Variants in RAI2 observed in about 807,000 individuals in gnomAD.
RAI2 encodes the protein retinoic acid induced 2, also known as retinoic acid-induced protein 2.
RAI2 carries 5 observed loss-of-function variants against 15.3 expected under a neutral mutation model. The observed-to-expected ratio is 0.33, with a 90% confidence interval of 0.17 to 0.69. The LOEUF is 0.69. RAI2 is among the 30% of genes least tolerant of loss of function. The probability of loss-of-function intolerance (pLI) is 0.69; values close to 1 mark genes in which losing one functional copy is unlikely to be tolerated. For synonymous variants in RAI2, 191 were observed against 184.0 expected, an observed-to-expected ratio of 1.04 and a Z score of -0.31; for missense variants, 424 against 424.7, an observed-to-expected ratio of 1.00 and a Z score of 0.01.
intron 1 of RAI2, among the ~76,000 whole-genome samples, chrX:17,848,994 G>A (rs1003456278): frequency 1.8e-5 from 2 of 112,292 alleles, no homozygotes; most frequent in East Asian, 2.8e-4. Flanking sequence ...TCTAACAGTC[G>A]CCCAAATAAA....
intron 1 of RAI2, among the ~76,000 whole-genome samples, chrX:17,807,809 A>G (rs149846289): frequency 0.029 from 3,278 of 112,388 alleles, 57 homozygotes; most frequent in Middle Eastern, 0.05. Flanking sequence ...TGCTTTTTAA[A>G]TTAAGCCATC....
chrX:17,838,546 A>G (rs771867128), intron 1 of RAI2, among the ~76,000 whole-genome samples: 1 of 110,731 alleles, frequency 9.0e-6, no homozygotes, highest in African/African-American at 3.3e-5. Context: ...TGCCACAGGA[A>G]ACAGAGAAGA....
intron 1 of RAI2, among the ~76,000 whole-genome samples, chrX:17,824,734 A>G (rs1308790249): frequency 1.8e-5 from 2 of 112,172 alleles, no homozygotes; most frequent in Non-Finnish European, 3.8e-5. Context: ...GCAGATGGTT[A>G]TTAACTTGGG....
intron 1 of RAI2, among the ~76,000 whole-genome samples, chrX:17,832,601 G>A (rs2067294846): frequency 8.9e-6 from 1 of 112,056 alleles, no homozygotes; most frequent in Non-Finnish European, 1.9e-5. Flanking sequence ...CAGGAGAGAT[G>A]CCCCAATTTA....
At chrX:17,807,561 T>G (rs1466507820) in intron 1 of RAI2, among the ~76,000 whole-genome samples, 1 of 111,575 alleles carries the variant, frequency 9.0e-6, no homozygotes, top group African/African-American at 3.3e-5. Context: ...ATGAGTAAGC[T>G]GCAACTCAAA....
intron 1 of RAI2, among the ~76,000 whole-genome samples, chrX:17,835,277 T>C (rs778557866): frequency 2.7e-5 from 3 of 112,343 alleles, no homozygotes; most frequent in Non-Finnish European, 5.6e-5. Context: ...AAAATGTGTG[T>C]AGCATGGTGC....
intron 1 of RAI2, among the ~76,000 whole-genome samples, chrX:17,853,301 T>C (rs759379091): frequency 9.8e-5 from 11 of 112,072 alleles, no homozygotes; most frequent in Non-Finnish European, 2.1e-4. Context: ...ATGACCCACT[T>C]CCAACCGTTA....
chrX:17,821,787 G>C (rs1426854946), intron 1 of RAI2, among the ~76,000 whole-genome samples: 1 of 111,552 alleles, frequency 9.0e-6, no homozygotes, highest in Non-Finnish European at 1.9e-5. Flanking sequence ...TAGGGGCAGG[G>C]TTACGGTTAG....
At chrX:17,824,967 A>C (rs755560384) in intron 1 of RAI2, among the ~76,000 whole-genome samples, 10 of 112,530 alleles carry the variant, frequency 8.9e-5, no homozygotes, top group African/African-American at 3.2e-4. Flanking sequence ...TGGAATCAAC[A>C]GGAACAGAAT....
chrX:17,860,721 C>T (rs2067677431), intron 1 of RAI2: 1 of 111,081 alleles, frequency 9.0e-6, no homozygotes, highest in African/African-American at 3.2e-5. Flanking sequence ...GCGCGGAGTC[C>T]GCCGTGCACC....
At chrX:17,854,697 G>A (rs1290742322) in intron 1 of RAI2, among the ~76,000 whole-genome samples, 1 of 112,520 alleles carries the variant, frequency 8.9e-6, no homozygotes, top group Non-Finnish European at 1.9e-5. Context: ...TGCTGAAAAA[G>A]AACAGTTGCT....
intron 1 of RAI2, among the ~76,000 whole-genome samples, chrX:17,825,823 A>G (rs2067219778): frequency 8.9e-6 from 1 of 112,505 alleles, no homozygotes; most frequent in Admixed American, 9.3e-5. Context: ...CCCTTCAAAT[A>G]CAAGTGCCTA....
Position 17,800,429 on chromosome X carries a change from GA to G in RAI2, c.1581del (p.Pro528GlnfsTer5). The G allele has an allele frequency of 1.7e-6, 2 of 1,184,193 alleles. No homozygotes were observed. The highest frequency in any genetic ancestry group is 2.3e-6 in the Non-Finnish European group (2 of 882,426). On this transcript the variant is annotated frameshift_variant, in exon 2 of 2. Transcript: ENST00000451717. LOFTEE classifies it high-confidence loss of function. ...PIKKQRLATF[F>X]PRK ...TAAAAAGCCGTTATTTACTTTCTTG[GA>G]AAAAAGGTGGCCAGCCGTTGTTTTT...
At position 17,800,271 on chromosome X, in the gene RAI2, T is replaced by A; in HGVS notation, c.*147A>T. On this transcript the variant is annotated 3_prime_UTR_variant, in exon 2 of 2. Transcript: ENST00000451717. ...ATTAAAAAAGAAAATGATACTAGCATACAGGGCCTCTAGAGCCAATTCACC... is the reference window on the plus strand; with the variant it reads ...ATTAAAAAAGAAAATGATACTAGCAAACAGGGCCTCTAGAGCCAATTCACC... The A allele has an allele frequency of 2.6e-6, 2 of 779,513 alleles. No homozygotes were observed. The highest frequency in any genetic ancestry group is 3.6e-6 in the Non-Finnish European group (2 of 560,636). 64.2% of individuals were successfully genotyped at this position (779,513 alleles called of 1,213,427 possible).
At chrX:17,824,932 A>G (rs982666915) in intron 1 of RAI2, among the ~76,000 whole-genome samples, 1 of 112,182 alleles carries the variant, frequency 8.9e-6, no homozygotes, top group Non-Finnish European at 1.9e-5. Flanking sequence ...ACAGCATTAT[A>G]ATGGTGGGGC....
intron 1 of RAI2, among the ~76,000 whole-genome samples, chrX:17,814,199 A>G (rs2067080595): frequency 9.2e-6 from 1 of 108,567 alleles, no homozygotes; most frequent in Non-Finnish European, 1.9e-5. Context: ...GGGAGACCTC[A>G]GAGTCATCTC....
intron 1 of RAI2, among the ~76,000 whole-genome samples, chrX:17,839,200 T>G (rs1391681447): frequency 8.9e-6 from 1 of 112,430 alleles, no homozygotes; most frequent in Admixed American, 9.4e-5. Context: ...GTGAGTGTCC[T>G]GCAACCTTCA....
intron 1 of RAI2, among the ~76,000 whole-genome samples, chrX:17,804,545 T>C (rs768577562): frequency 6.3e-5 from 7 of 111,257 alleles, no homozygotes; most frequent in Non-Finnish European, 1.3e-4. Context: ...TGGGGAAGGG[T>C]AAGAAAAGGC....
At chrX:17,809,020 T>C (rs945271198) in intron 1 of RAI2, among the ~76,000 whole-genome samples, 1 of 112,407 alleles carries the variant, frequency 8.9e-6, no homozygotes, top group Non-Finnish European at 1.9e-5. Context: ...CTTGCCCCAG[T>C]GGTTAAATTT....
Sources: allele counts gnomAD v4.1 joint callset (sites outside exome capture counted in the v4.1 genomes callset), GRCh38; gene constraint gnomAD v4.1.1; transcripts MANE v1.5; gene names NCBI Gene and HGNC (gene_info 2026-07-23, HGNC 2026-07-21).